Variants in CCDC85A observed in about 807,000 individuals in gnomAD.
CCDC85A encodes the protein coiled-coil domain-containing protein 85A.
CCDC85A carries 38 observed loss-of-function variants against 50.2 expected under a neutral mutation model. That is an observed-to-expected ratio of 0.76 (90% CI 0.58 to 0.99). CCDC85A has a LOEUF of 0.99. Among genes scored for constraint, CCDC85A ranks in the 50% least tolerant of loss-of-function variants. The probability of loss-of-function intolerance (pLI) is 0.00; values close to 1 mark genes in which losing one functional copy is unlikely to be tolerated. For missense variants in CCDC85A, 820 were observed against 742.0 expected (o/e 1.11, Z -1.22); for synonymous variants, 366 against 301.4 (o/e 1.21, Z -2.22).
chr2:56,383,247 CAAACA>C (rs969113468), intron 5 of CCDC85A, among the ~76,000 whole-genome samples: 13 of 151,892 alleles, frequency 8.6e-5, no homozygotes, highest in Non-Finnish European at 7.4e-5. Flanking sequence ...AAAACCAAAC[CAAACA>C]AAAGAAACAG....
At chr2:56,347,144 G>T (rs139015390) in intron 3 of CCDC85A, among the ~76,000 whole-genome samples, 51 of 152,294 alleles carry the variant, frequency 3.3e-4, no homozygotes, top group African/African-American at 1.2e-3. Context: ...ATAAATACAG[G>T]TTTTCTCTAT....
chr2:56,353,757 AT>A (rs1402921627), intron 3 of CCDC85A, among the ~76,000 whole-genome samples: 6 of 152,244 alleles, frequency 3.9e-5, no homozygotes, highest in African/African-American at 1.4e-4. Flanking sequence ...TGTCCTTTAA[AT>A]CCAGTGCAAC....
intron 2 of CCDC85A, among the ~76,000 whole-genome samples, chr2:56,322,595 T>TA (rs1431301322): frequency 7.9e-5 from 12 of 152,120 alleles, no homozygotes; most frequent in African/African-American, 2.9e-4. Context: ...CACAATGAGA[T>TA]ACCATCTCAC....
At chr2:56,286,098 A>G (rs555847064) in intron 2 of CCDC85A, among the ~76,000 whole-genome samples, 61 of 148,914 alleles carry the variant, frequency 4.1e-4, no homozygotes, top group Middle Eastern at 3.6e-3. Context: ...TTGAATAATT[A>G]TTTCTCTGTC....
In CCDC85A at chr2:56,342,959, G is replaced by A. The variant is rs754908673; in HGVS notation, c.1317+4G>A. ...AGAAAATCGCATGCTGCCCCAGGTG[G>A]GTGACTTCCAGAAGCTCATAGCTAG... On this transcript the variant is annotated splice_donor_region_variant and intron_variant, in intron 3 of 5. Coordinates refer to ENST00000407595, the MANE Select transcript of CCDC85A (RefSeq NM_001080433.2). 6.3e-7 allele frequency: 1 copy of A among 1,584,472 alleles called. No homozygotes were observed. The highest frequency in any genetic ancestry group is 1.3e-5 in the African/African-American group (1 of 74,298).
Position 56,370,309 on chromosome 2 carries a change from C to G in CCDC85A, c.1318-2035C>G, listed in dbSNP as rs567495715. On this transcript the variant is annotated intron_variant, in intron 3 of 5. Transcript: ENST00000407595. ...TGGTGATTGTAGGCCCTGCGAAACACTAAGCCTTCATTAGTGTATAAATAC... is the reference window on the plus strand; with the variant it reads ...TGGTGATTGTAGGCCCTGCGAAACAGTAAGCCTTCATTAGTGTATAAATAC... Among the ~76,000 whole-genome samples the G allele has an allele frequency of 8.5e-5, 13 of 152,222 alleles. No homozygotes were observed. In the South Asian group the frequency reaches 2.5e-3, roughly 29 times the overall value.
chr2:56,200,257 A>T (rs996364148), intron 2 of CCDC85A, among the ~76,000 whole-genome samples: 1 of 152,180 alleles, frequency 6.6e-6, no homozygotes, highest in African/African-American at 2.4e-5. Context: ...CTTCTTGGAT[A>T]CTTTGGTATA....
intron 2 of CCDC85A, among the ~76,000 whole-genome samples, chr2:56,312,424 T>C (rs1672738719): frequency 6.6e-6 from 1 of 152,186 alleles, no homozygotes; most frequent in Admixed American, 6.6e-5. Flanking sequence ...TATAATGTAA[T>C]AAAGTTGTAT....
At chr2:56,239,282 T>C (rs1019044617) in intron 2 of CCDC85A, among the ~76,000 whole-genome samples, 3 of 152,044 alleles carry the variant, frequency 2.0e-5, no homozygotes, top group African/African-American at 7.2e-5. Flanking sequence ...TACTATTGTT[T>C]GTTTAAAAGT....
intron 2 of CCDC85A, among the ~76,000 whole-genome samples, chr2:56,268,594 C>CAAAA (rs59245276): frequency 9.7e-6 from 1 of 102,784 alleles, no homozygotes; most frequent in East Asian, 2.5e-4. Context: ...GATTCCGTCT[C>CAAAA]AAAAAAAAAA....
intron 2 of CCDC85A, among the ~76,000 whole-genome samples, chr2:56,242,671 A>G (rs954656842): frequency 2.0e-5 from 3 of 152,084 alleles, no homozygotes; most frequent in African/African-American, 7.2e-5. Context: ...TCCAAACTAT[A>G]TCGGGTAGGT....
rs183175825 is a variant in CCDC85A, at chr2:56,204,663, C to T, written c.1240+11223C>T. Among the ~76,000 whole-genome samples, 23 of 152,294 alleles carry T rather than the reference C, an allele frequency of 1.5e-4. No individual in the cohort carries two copies. The East Asian group carries it at 4.1e-3, about 27-fold the overall frequency. ...CACCTGACTTCCTCCAGGAGTTGTG[C>T]ATCTGGGCCTGGACTTCTGACATGG... On this transcript the variant is annotated intron_variant, in intron 2 of 5. Transcript: ENST00000407595.
Position 56,385,256 on chromosome 2 carries a change from T to C in CCDC85A, c.*901T>C, listed in dbSNP as rs897874091. 6.6e-6 allele frequency: 1 copy of C among 152,308 alleles called. No individual in the cohort carries two copies. The highest frequency in any genetic ancestry group is 1.5e-5 in the Non-Finnish European group (1 of 67,862). 9.4% of individuals were successfully genotyped at this position (152,308 alleles called of 1,614,324 possible). ...CATGCTGTATATTTAATAAACTTTA[T>C]GTAAACTTTAAAATATTGCACTGCA... On this transcript the variant is annotated 3_prime_UTR_variant, in exon 6 of 6. Coordinates refer to ENST00000407595, the MANE Select transcript of CCDC85A (RefSeq NM_001080433.2).
At position 56,263,012 on chromosome 2, in the gene CCDC85A, G is replaced by A. The variant is rs529179419; in HGVS notation, c.1240+69572G>A. On this transcript the variant is annotated intron_variant, in intron 2 of 5. Transcript: ENST00000407595. Reference sequence around the variant, plus strand: ...ACCACTTAAAGCATTGATTAACAAAGAGACTAGTGGGGACTAAATGAATAC... The same window carrying A: ...ACCACTTAAAGCATTGATTAACAAAAAGACTAGTGGGGACTAAATGAATAC... 9.9e-5 allele frequency among the ~76,000 whole-genome samples: 15 copies of A among 151,950 alleles called. No individual in the cohort carries two copies. In the South Asian group the frequency reaches 2.9e-3, roughly 30 times the overall value.
intron 2 of CCDC85A, among the ~76,000 whole-genome samples, chr2:56,328,965 A>G (rs1397801304): frequency 6.6e-6 from 1 of 152,136 alleles, no homozygotes; most frequent in Non-Finnish European, 1.5e-5. Context: ...TTATGTTGCC[A>G]CAGTACACCA....
chr2:56,257,168 G>T (rs956696562), intron 2 of CCDC85A, among the ~76,000 whole-genome samples: 1 of 152,138 alleles, frequency 6.6e-6, no homozygotes, highest in Admixed American at 6.5e-5. Context: ...CATTCTGAAA[G>T]CAAAAACTTA....
chr2:56,188,503 A>T (rs1676147836), intron 1 of CCDC85A, among the ~76,000 whole-genome samples: 1 of 152,246 alleles, frequency 6.6e-6, no homozygotes, highest in Non-Finnish European at 1.5e-5. Flanking sequence ...TAGCTGTAGC[A>T]TAGTCAAAGG....
At chr2:56,268,985 A>G (rs1670580349) in intron 2 of CCDC85A, among the ~76,000 whole-genome samples, 1 of 152,154 alleles carries the variant, frequency 6.6e-6, no homozygotes, top group East Asian at 1.9e-4. Flanking sequence ...CTTTCACTGT[A>G]AGTATCTTTC....
At chr2:56,325,039 A>G (rs760312315) in intron 2 of CCDC85A, among the ~76,000 whole-genome samples, 2 of 152,152 alleles carry the variant, frequency 1.3e-5, no homozygotes, top group Non-Finnish European at 2.9e-5. Flanking sequence ...TTTCAATTTT[A>G]TCTTCTTTGA....
Sources: gnomAD v4.1 joint callset for allele counts (sites outside exome capture counted in the v4.1 genomes callset) on GRCh38, gnomAD v4.1.1 for gene constraint, MANE v1.5 for transcripts, NCBI Gene and HGNC (gene_info 2026-07-23, HGNC 2026-07-21) for gene names.